The following NAPA variants were observed in gnomAD, a reference collection of about 807,000 sequenced individuals.
The protein encoded by NAPA is alpha-soluble NSF attachment protein.
In NAPA, 18 loss-of-function variants were observed where a neutral mutation model predicts 48.0. The observed-to-expected ratio is 0.38, with a 90% CI of 0.26 to 0.56. The LOEUF is 0.56. Among genes scored for constraint, NAPA ranks in the 20% least tolerant of loss-of-function variants. The pLI, the probability that NAPA is intolerant of heterozygous loss-of-function variation, is 0.77. For synonymous variants in NAPA, 152 were observed against 149.9 expected, an observed-to-expected ratio of 1.01 and a Z score of -0.10; for missense variants, 315 against 385.0, an observed-to-expected ratio of 0.82 and a Z score of 1.52.
Position 47,490,864 on chromosome 19 carries a change from G to C in NAPA, c.667-8C>G, listed in dbSNP as rs1266652047. ...ATACTTTTGGACAGCCAGCTGGGCA[G>C]CAGGGAAGGGAGAAGATGAGTTAGT... On this transcript the variant is annotated splice_region_variant and splice_polypyrimidine_tract_variant and intron_variant, in intron 8 of 10. Transcript: ENST00000263354. The C allele has an allele frequency of 1.9e-6, 3 of 1,612,860 alleles. No individual in the cohort carries two copies. The highest frequency in any genetic ancestry group is 2.5e-6 in the Non-Finnish European group (3 of 1,179,308).
rs190306888 is a variant in NAPA, at chr19:47,497,002, G to A, written c.296-1406C>T. On this transcript the variant is annotated intron_variant, in intron 3 of 10. Transcript: ENST00000263354. ...GACAGTGGAAACGGTGGCAAAAAGG[G>A]GGCAGATGAGGAGGAAGGGGAGAGA... is the stretch of plus-strand genomic sequence containing the variant. The A allele has an allele frequency of 6.0e-4, 198 of 330,052 alleles. 2 individuals are homozygous for A. In the Admixed American group the frequency reaches 6.7e-3, roughly 11 times the overall value. 20.4% of individuals were successfully genotyped at this position (330,052 alleles called of 1,614,324 possible).
chr19:47,491,672 A>G (rs543380436), intron 8 of NAPA, among the ~76,000 whole-genome samples: 10 of 152,336 alleles, frequency 6.6e-5, no homozygotes, highest in South Asian at 6.2e-4. Flanking sequence ...TGTGGCCTCA[A>G]ACAAGGGACT....
chr19:47,491,193 G>T, intron 8 of NAPA: 1 of 239,796 alleles, frequency 4.2e-6, no homozygotes, highest in Non-Finnish European at 8.2e-6. Context: ...GCTTCTTGAG[G>T]ACCCTGAGAG....
rs1056040167 is a variant in NAPA, at chr19:47,506,589, G to A, written c.99-3087C>T. The stretch of plus-strand genomic sequence containing the variant: ...CCCTGGATGGGCAGAAATGACCCAC[G>A]TCACTGAGTGGCCCACAGCGGGCAA... On this transcript the variant is annotated intron_variant, in intron 1 of 10. Transcript: ENST00000263354. The surrounding 1 kb of genome is among the most constrained non-coding windows in gnomAD (Gnocchi z 4.0). 2.0e-5 allele frequency among the ~76,000 whole-genome samples: 3 copies of A among 152,184 alleles called. No individual in the cohort carries two copies. Among genetic ancestry groups the A allele is most frequent in the Non-Finnish European group, 4.4e-5 (3 of 68,034 alleles).
chr19:47,498,173 G>A (rs1326040454), intron 3 of NAPA, among the ~76,000 whole-genome samples: 1 of 152,214 alleles, frequency 6.6e-6, no homozygotes, highest in African/African-American at 2.4e-5. Context: ...CCTGGAGGAA[G>A]CCCTAGAAGT....
downstream of NAPA, among the ~76,000 whole-genome samples, chr19:47,486,200 C>G (rs3760634): frequency 0.14 from 21,693 of 151,966 alleles, 1,637 homozygotes; most frequent in East Asian, 0.22. Flanking sequence ...GCTAAAAATA[C>G]AAAAATTAGC....
At chr19:47,503,248 G>T in intron 2 of NAPA, 175 bp downstream of exon 2, 1 of 635,382 alleles carries the variant, frequency 1.6e-6, no homozygotes. Flanking sequence ...ATGACCCAGA[G>T]TATAAAGTAA....
intron 10 of NAPA, chr19:47,489,078 G>A (rs1264704873): frequency 6.5e-6 from 1 of 152,844 alleles, no homozygotes; most frequent in African/African-American, 2.4e-5. Flanking sequence ...GCCACCCACT[G>A]TCTGGGGCAG....
chr19:47,490,976 C>A (rs1291929456), intron 8 of NAPA, 120 bp from the exon 9 acceptor site: 4 of 783,116 alleles, frequency 5.1e-6, no homozygotes, highest in Non-Finnish European at 6.2e-6. Context: ...TGCACCCCTC[C>A]CCCAGCCTCA....
chr19:47,488,627 A>C (rs1397808751), intron 10 of NAPA: 13 of 318,440 alleles, frequency 4.1e-5, no homozygotes, highest in Non-Finnish European at 5.2e-5. Flanking sequence ...TAAAAAAAAA[A>C]AAAGGTCCAT....
At chr19:47,489,816 C>T in intron 9 of NAPA, 55 bp from the exon 10 acceptor site, 1 of 1,595,846 alleles carries the variant, frequency 6.3e-7, no homozygotes, top group Non-Finnish European at 8.6e-7. Context: ...GAGGTCTGGC[C>T]TGGATTAGAT....
chr19:47,489,665 G>T (rs369205941), intron 10 of NAPA, 46 bp downstream of exon 10: 21 of 1,606,546 alleles, frequency 1.3e-5, no homozygotes, highest in Non-Finnish European at 1.7e-5. Context: ...TTTCCTAGGA[G>T]ACCCATCCCC....
chr19:47,495,071 C>G (rs1028875877), intron 4 of NAPA: 1 of 169,224 alleles, frequency 5.9e-6, no homozygotes, highest in Non-Finnish European at 1.3e-5. Flanking sequence ...GGTGTGATCA[C>G]AGCTCACTGC....
intron 4 of NAPA, among the ~76,000 whole-genome samples, chr19:47,494,510 G>C (rs1968364287): frequency 6.6e-6 from 1 of 152,054 alleles, no homozygotes; most frequent in South Asian, 2.1e-4. Context: ...GGCCAAGGCA[G>C]GTGGATCACT....
At chr19:47,489,303 T>A (rs1169613422) in intron 10 of NAPA, 1 of 198,216 alleles carries the variant, frequency 5.0e-6, no homozygotes, top group Non-Finnish European at 1.0e-5. Context: ...ACCTCTCCCA[T>A]GTCCTCAGCT....
At chr19:47,498,396 G>A (rs1451716586) in intron 3 of NAPA, among the ~76,000 whole-genome samples, 1 of 152,220 alleles carries the variant, frequency 6.6e-6, no homozygotes, top group Admixed American at 6.5e-5. Context: ...TGTCCTGACT[G>A]GAAGTTTATC....
chr19:47,504,397 CAAAAAAAAA>C (rs11367620), intron 1 of NAPA, among the ~76,000 whole-genome samples: 2 of 57,210 alleles, frequency 3.5e-5, no homozygotes, highest in African/African-American at 1.3e-4. Context: ...GACCTTGTCT[CAAAAAAAAA>C]AAAAAAAAAA....
intron 1 of NAPA, among the ~76,000 whole-genome samples, chr19:47,503,846 C>T (rs901826237): frequency 6.6e-6 from 1 of 152,216 alleles, no homozygotes; most frequent in Non-Finnish European, 1.5e-5. Flanking sequence ...AGGCGCGCTA[C>T]AAATCCCCTT....
rs750059599 is a variant in NAPA, at chr19:47,500,655, T to C, written c.273A>G (p.Ala91=). 1.2e-6 allele frequency: 2 copies of C among 1,610,748 alleles called. No individual in the cohort carries two copies. Among genetic ancestry groups the C allele is most frequent in the Middle Eastern group, 1.7e-4 (1 of 6,038 alleles). ...CACCTTGGGGGTCGGCTTTCTTGAA[T>C]GCGTTGCCAGCGTCCACAAAGCAGG... ...AATCFVDAGN[A]FKKADPQEAI... Residue 91 remains alanine, a synonymous_variant, in exon 3 of 11, where the codon GCA becomes GCG. Coordinates refer to ENST00000263354, the MANE Select transcript of NAPA (RefSeq NM_003827.4).
Sources: gnomAD v4.1 joint callset for allele counts (sites outside exome capture counted in the v4.1 genomes callset) on GRCh38, gnomAD v4.1.1 for gene constraint, Gnocchi (gnomAD v3.1) non-coding constraint, MANE v1.5 for transcripts, NCBI Gene and HGNC (gene_info 2026-07-23, HGNC 2026-07-21) for gene names.